Variants in PCDHA6 observed in about 807,000 individuals in gnomAD.
The protein encoded by PCDHA6 is protocadherin alpha-6.
In PCDHA6, 55 loss-of-function variants were observed where a neutral mutation model predicts 60.3. The ratio of observed to expected loss-of-function variants is 0.91; its 90% CI spans 0.73 to 1.14. PCDHA6 has a LOEUF of 1.14. Ranked by LOEUF, PCDHA6 falls within the 50% of genes most tolerant of loss-of-function variation. PCDHA6 has a pLI of 0.00. For synonymous variants in PCDHA6, 652 were observed against 557.9 expected, an observed-to-expected ratio of 1.17 and a Z score of -2.38; for missense variants, 1,327 against 1,256.5, an observed-to-expected ratio of 1.06 and a Z score of -0.85.
At chr5:140,921,353 A>G (rs943655623) in intron 1 of PCDHA6, among the ~76,000 whole-genome samples, 5 of 152,160 alleles carry the variant, frequency 3.3e-5, no homozygotes, top group Non-Finnish European at 5.9e-5. Flanking sequence ...ATATTTGCCT[A>G]TATTCAAGTT....
chr5:140,884,423 AC>A, intron 1 of PCDHA6: 3 of 1,613,932 alleles, frequency 1.9e-6, no homozygotes, highest in Non-Finnish European at 2.5e-6. Flanking sequence ...GCTGCTGTAT[AC>A]TGCGCTGCGG....
rs553859456 is a variant in PCDHA6 at position 140,938,056 on chromosome 5, A to G, written c.2395-40893A>G. Among the ~76,000 whole-genome samples, 1,107 of 152,294 alleles carry G rather than the reference A, an allele frequency of 7.3e-3. 4 individuals carry two copies. Among genetic ancestry groups the G allele is most frequent in the Admixed American group, 0.012 (189 of 15,304 alleles). ...TTTATATTTTGGGTTTTCTACATATACTGTCATGCTATTCCCAAATAATGT... is the reference window on the plus strand; with the variant it reads ...TTTATATTTTGGGTTTTCTACATATGCTGTCATGCTATTCCCAAATAATGT... On this transcript the variant is annotated intron_variant, in intron 1 of 3. Coordinates refer to ENST00000529310, the MANE Select transcript of PCDHA6 (RefSeq NM_018909.4).
chr5:140,850,730 G>A lies in PCDHA6; in HGVS notation c.2394+20245G>A, dbSNP rs1439103901. The A allele has an allele frequency of 7.5e-6, 12 of 1,597,860 alleles. 2 individuals carry two copies. Among genetic ancestry groups the A allele is most frequent in the African/African-American group, 4.0e-5 (3 of 74,192 alleles). On this transcript the variant is annotated intron_variant, in intron 1 of 3. Transcript: ENST00000529310. The stretch of plus-strand genomic sequence containing the variant: ...CGACGCTGGTGTGTTCTAGCGCGGT[G>A]GGGAGTTGGTCGTACTCGCAGCAGA...
At chr5:140,929,554 C>T (rs899446101) in intron 1 of PCDHA6, 4 of 488,414 alleles carry the variant, frequency 8.2e-6, no homozygotes, top group Non-Finnish European at 1.4e-5. Context: ...AAAATTAAAA[C>T]CTATTTAAGA....
intron 1 of PCDHA6, chr5:140,859,459 C>A (rs1379028308): frequency 9.2e-6 from 2 of 216,756 alleles, no homozygotes; most frequent in Non-Finnish European, 1.8e-5. Context: ...AGTGACAAAA[C>A]TACACTATCA....
intron 1 of PCDHA6, among the ~76,000 whole-genome samples, chr5:140,942,639 G>C (rs923095335): frequency 1.3e-5 from 2 of 151,806 alleles, no homozygotes; most frequent in African/African-American, 2.4e-5. Flanking sequence ...AATGGCAAAA[G>C]AGATCTCATT....
chr5:141,008,678 G>C (rs1463545809), intron 3 of PCDHA6, among the ~76,000 whole-genome samples: 1 of 152,112 alleles, frequency 6.6e-6, no homozygotes, highest in Non-Finnish European at 1.5e-5. Flanking sequence ...ATATACTTTA[G>C]TTATTGCATG....
intron 1 of PCDHA6, among the ~76,000 whole-genome samples, chr5:140,871,899 A>G (rs1160830243): frequency 2.6e-5 from 4 of 152,208 alleles, no homozygotes; most frequent in Admixed American, 2.0e-4. Context: ...CTTTTAGCAG[A>G]GTTTTGCCTT....
chr5:140,861,466 T>C (rs533343348), intron 1 of PCDHA6: 34 of 493,930 alleles, frequency 6.9e-5, no homozygotes, highest in African/African-American at 6.7e-4. Context: ...GAGGTAAATC[T>C]GCAGAATGGC....
In PCDHA6 at chr5:140,849,950, G is replaced by A. The variant is rs2150459734; in HGVS notation, c.2394+19465G>A. The A allele has an allele frequency of 1.4e-5, 22 of 1,598,026 alleles. 5 individuals carry two copies. In the African/African-American group the frequency reaches 2.5e-4, roughly 19 times the overall value. ...TGTCTGCGCGGGACGCTGACGCGCA[G>A]GAGAACGCCCTGGTGTCCTACTCGC... On this transcript the variant is annotated intron_variant, in intron 1 of 3. Transcript: ENST00000529310.
In PCDHA6 at chr5:140,829,763, G is replaced by C. The variant is rs2150174106; in HGVS notation, c.1672G>C (p.Glu558Gln). Residue 558 changes from glutamate to glutamine, a missense_variant, in exon 1 of 4, where the codon GAG (glutamate) becomes CAG (glutamine). By Grantham distance (29) the Glu-to-Gln change is conservative. Coordinates refer to ENST00000529310, the MANE Select transcript of PCDHA6 (RefSeq NM_018909.4). ...NVTLQVFVLDENDNAPALLAP... is the reference protein window; with the variant it reads ...NVTLQVFVLDQNDNAPALLAP... ...GACGCTGCAGGTGTTCGTGCTGGAC[G>C]AGAACGACAACGCGCCGGCGCTGCT... The C allele has an allele frequency of 5.8e-5, 94 of 1,613,770 alleles. No homozygotes were observed. In the East Asian group the frequency reaches 2.1e-3, roughly 36 times the overall value.
At chr5:140,945,440 T>C (rs932464631) in intron 1 of PCDHA6, among the ~76,000 whole-genome samples, 1 of 151,948 alleles carries the variant, frequency 6.6e-6, no homozygotes, top group African/African-American at 2.4e-5. Context: ...TACAGAAATA[T>C]AAAAAACTTC....
chr5:140,852,094 C>A, intron 1 of PCDHA6: 2 of 907,306 alleles, frequency 2.2e-6, no homozygotes, highest in Non-Finnish European at 2.7e-6. Flanking sequence ...AATATTGTGT[C>A]AGATATTTTA....
intron 1 of PCDHA6, chr5:140,877,100 C>A (rs782669477): frequency 2.5e-6 from 4 of 1,613,344 alleles, no homozygotes; most frequent in African/African-American, 1.3e-5. Context: ...GCCGGCGTGC[C>A]GCCTCTGGGC....
At chr5:140,843,610 G>A (rs1554140251) in intron 1 of PCDHA6, 2 of 1,595,980 alleles carry the variant, frequency 1.3e-6, no homozygotes, top group South Asian at 1.1e-5. Context: ...CTGGTGAGGG[G>A]CCACCGAAGA....
chr5:141,006,504 C>T (rs911793343), intron 3 of PCDHA6, among the ~76,000 whole-genome samples: 4 of 152,022 alleles, frequency 2.6e-5, no homozygotes, highest in East Asian at 1.9e-4. Flanking sequence ...TGAGCCACCG[C>T]GCCTGGCTGT....
At chr5:140,898,705 A>G (rs1351081569) in intron 1 of PCDHA6, among the ~76,000 whole-genome samples, 2 of 152,142 alleles carry the variant, frequency 1.3e-5, no homozygotes, top group African/African-American at 4.8e-5. Flanking sequence ...ACTTTAAAGT[A>G]GTTTTTTCCA....
chr5:140,898,275 T>C (rs13181478), intron 1 of PCDHA6, among the ~76,000 whole-genome samples: 1 of 152,166 alleles, frequency 6.6e-6, no homozygotes, highest in Non-Finnish European at 1.5e-5. Context: ...ATGCCTAAGT[T>C]CTGAATGGTA....
chr5:140,871,211 T>A (rs781784103), intron 1 of PCDHA6: 1 of 1,613,724 alleles, frequency 6.2e-7, no homozygotes, highest in Non-Finnish European at 8.5e-7. Flanking sequence ...ATCATCGCCA[T>A]CTGCGTGGTG....
Sources: allele counts gnomAD v4.1 joint callset (sites outside exome capture counted in the v4.1 genomes callset), GRCh38; gene constraint gnomAD v4.1.1; transcripts MANE v1.5; gene names NCBI Gene and HGNC (gene_info 2026-07-23, HGNC 2026-07-21).